PDE4D: variants seen among roughly 807,000 people sequenced by gnomAD.
PDE4D encodes 3',5'-cyclic-AMP phosphodiesterase 4D.
In PDE4D, 24 loss-of-function variants were observed where a neutral mutation model predicts 87.4. The ratio of observed to expected loss-of-function variants is 0.27; its 90% CI spans 0.20 to 0.39. PDE4D has a LOEUF of 0.39. PDE4D is among the 10% of genes least tolerant of loss of function. The pLI is 1.00. For missense variants in PDE4D, 714 were observed against 1,041.0 expected, an observed-to-expected ratio of 0.69 and a Z score of 4.32; for synonymous variants, 384 against 383.2, an observed-to-expected ratio of 1.00 and a Z score of -0.02.
intron 2 of PDE4D, among the ~76,000 whole-genome samples, chr5:60,091,968 G>A (rs1170921906): frequency 1.1e-4 from 16 of 148,130 alleles, no homozygotes; most frequent in Admixed American, 6.1e-4. Context: ...GGAGAATGGC[G>A]TGAACCCGGG....
intron 1 of PDE4D, among the ~76,000 whole-genome samples, chr5:59,245,777 A>G (rs1046280990): frequency 4.6e-5 from 7 of 152,138 alleles, no homozygotes; most frequent in Non-Finnish European, 8.8e-5. Flanking sequence ...AATGTAGACA[A>G]TATTATACCA....
chr5:59,133,954 G>T (rs956536234), intron 5 of PDE4D, among the ~76,000 whole-genome samples: 1 of 151,218 alleles, frequency 6.6e-6, no homozygotes, highest in African/African-American at 2.4e-5. Flanking sequence ...AGCCTCACAG[G>T]CAATGTCCCT....
intron 1 of PDE4D, among the ~76,000 whole-genome samples, chr5:60,238,645 T>C (rs921738525): frequency 2.6e-5 from 4 of 151,988 alleles, no homozygotes; most frequent in African/African-American, 9.7e-5. Flanking sequence ...TTATCAGCCA[T>C]TTTTTTCTGT....
chr5:60,029,899 CA>C (rs762121357), intron 2 of PDE4D, among the ~76,000 whole-genome samples: 1 of 152,110 alleles, frequency 6.6e-6, no homozygotes, highest in East Asian at 1.9e-4. Context: ...CAGCATCCCC[CA>C]TCCTCAGAGA....
intron 1 of PDE4D, among the ~76,000 whole-genome samples, chr5:60,355,404 G>A (rs1759536625): frequency 6.6e-6 from 1 of 152,128 alleles, no homozygotes; most frequent in Non-Finnish European, 1.5e-5. Flanking sequence ...ACAGTCTCCT[G>A]GCAGAGGGCC....
intron 1 of PDE4D, among the ~76,000 whole-genome samples, chr5:60,514,353 G>A (rs1054866881): frequency 2.0e-5 from 3 of 151,946 alleles, no homozygotes; most frequent in African/African-American, 7.2e-5. Flanking sequence ...TATGAAGTCA[G>A]CATATCCTTT....
chr5:60,454,778 T>A (rs944009265), intron 1 of PDE4D, among the ~76,000 whole-genome samples: 3 of 152,102 alleles, frequency 2.0e-5, no homozygotes, highest in Non-Finnish European at 4.4e-5. Context: ...AACCTGCACA[T>A]TCTGCACATG....
chr5:60,296,325 G>A (rs1753380254), intron 1 of PDE4D, among the ~76,000 whole-genome samples: 1 of 152,176 alleles, frequency 6.6e-6, no homozygotes, highest in Admixed American at 6.5e-5. Flanking sequence ...ATAGATGTCA[G>A]AGATGGCACA....
At chr5:59,243,549 TC>T (rs1236633389) in intron 1 of PDE4D, among the ~76,000 whole-genome samples, 1 of 145,394 alleles carries the variant, frequency 6.9e-6, no homozygotes, top group Non-Finnish European at 1.5e-5. Flanking sequence ...AACCTCTGCT[TC>T]CCAGGTTCAA....
chr5:60,419,721 G>C (rs1252534898), intron 1 of PDE4D, among the ~76,000 whole-genome samples: 2 of 152,156 alleles, frequency 1.3e-5, no homozygotes, highest in South Asian at 2.1e-4. Context: ...AGCTATGATA[G>C]AGTAACTAGT....
intron 2 of PDE4D, among the ~76,000 whole-genome samples, chr5:60,045,938 C>A (rs1434882266): frequency 2.6e-5 from 4 of 152,140 alleles, no homozygotes; most frequent in Non-Finnish European, 4.4e-5. Context: ...GGCACTGAAT[C>A]TTTAAATTAC....
chr5:60,182,990 G>T (rs552038530), intron 2 of PDE4D, among the ~76,000 whole-genome samples: 1 of 152,266 alleles, frequency 6.6e-6, no homozygotes, highest in African/African-American at 2.4e-5. Flanking sequence ...TTTTGGAGGT[G>T]GGGTCTTTGG....
chr5:59,388,721 T>C (rs547399770), intron 1 of PDE4D, among the ~76,000 whole-genome samples: 1 of 152,034 alleles, frequency 6.6e-6, no homozygotes, highest in East Asian at 1.9e-4. Context: ...TTGGATAGAA[T>C]GGACATCAAG....
intron 1 of PDE4D, among the ~76,000 whole-genome samples, chr5:59,849,827 A>G (rs1744410048): frequency 6.6e-6 from 1 of 152,070 alleles, no homozygotes. Context: ...ATGACATGGA[A>G]TTTTTAAAGT....
chr5:59,592,279 T>A, intron 1 of PDE4D: 1 of 270,178 alleles, frequency 3.7e-6, no homozygotes, highest in Non-Finnish European at 5.7e-6. Context: ...TCTAGCAAAG[T>A]CTGAAGGCAT....
At chr5:59,507,457 T>A (rs1350139532) in intron 1 of PDE4D, among the ~76,000 whole-genome samples, 1 of 149,918 alleles carries the variant, frequency 6.7e-6, no homozygotes, top group East Asian at 1.9e-4. Context: ...GGCCCAGGAG[T>A]TTGAGTCTAG....
In PDE4D at chr5:60,014,269, T is replaced by C. The variant is rs997877458; in HGVS notation, c.43-25552A>G. On this transcript the variant is annotated intron_variant, in intron 2 of 16. Transcript: ENST00000502484. ...TATTGACTAAATGTAGCCACGTAAGTGACCTACCTAATCAATACCACATGG... is the reference window on the plus strand; with the variant it reads ...TATTGACTAAATGTAGCCACGTAAGCGACCTACCTAATCAATACCACATGG... Among the ~76,000 whole-genome samples, 7 of 152,246 alleles carry C rather than the reference T, an allele frequency of 4.6e-5. No individual in the cohort carries two copies. The East Asian group carries it at 1.4e-3, about 29-fold the overall frequency.
chr5:60,251,082 A>C (rs1200158419), intron 1 of PDE4D, among the ~76,000 whole-genome samples: 1 of 152,030 alleles, frequency 6.6e-6, no homozygotes, highest in Non-Finnish European at 1.5e-5. Context: ...ATAAGGATAC[A>C]GAGAAAGGAA....
intron 2 of PDE4D, among the ~76,000 whole-genome samples, chr5:59,999,744 C>A (rs1763858023): frequency 6.6e-6 from 1 of 151,484 alleles, no homozygotes; most frequent in South Asian, 2.1e-4. Flanking sequence ...AGGTACCAAC[C>A]AGAAAGAAAT....
Sources: gnomAD v4.1 joint callset for allele counts (sites outside exome capture counted in the v4.1 genomes callset) on GRCh38, gnomAD v4.1.1 for gene constraint, MANE v1.5 for transcripts, NCBI Gene and HGNC (gene_info 2026-07-23, HGNC 2026-07-21) for gene names.